Variants in SLC9A6 observed in about 807,000 individuals in gnomAD.
SLC9A6 encodes the protein sodium/hydrogen exchanger 6.
A neutral mutation model predicts 45.3 loss-of-function variants in SLC9A6; 6 were observed. The observed-to-expected ratio is 0.13, with a 90% CI of 0.07 to 0.26. The LOEUF (loss-of-function observed/expected upper bound fraction) is 0.26, where lower values mean the gene tolerates loss of function less well. Ranked by LOEUF, SLC9A6 falls within the 10% of genes least tolerant of loss-of-function variation. The probability of loss-of-function intolerance (pLI) is 1.00; values close to 1 mark genes in which losing one functional copy is unlikely to be tolerated. For synonymous variants in SLC9A6, 191 were observed against 187.7 expected, an observed-to-expected ratio of 1.02 and a Z score of -0.14; for missense variants, 278 against 503.7, an observed-to-expected ratio of 0.55 and a Z score of 4.29.
chrX:136,013,136 C>T (rs1336016791), intron 9 of SLC9A6, 82 bp downstream of exon 9: 51 of 754,807 alleles, frequency 6.8e-5, no homozygotes, highest in Middle Eastern at 2.8e-4. Flanking sequence ...GGATCAGCTC[C>T]GTTAGTATTT....
intron 16 of SLC9A6, among the ~76,000 whole-genome samples, chrX:136,037,435 C>A (rs781975036): frequency 1.8e-5 from 2 of 112,669 alleles, no homozygotes; most frequent in Non-Finnish European, 3.7e-5. Flanking sequence ...CTTTTCAGTA[C>A]ACAGCTCTTG....
intron 2 of SLC9A6, among the ~76,000 whole-genome samples, chrX:135,992,614 G>A (rs1023945244): frequency 1.8e-5 from 2 of 111,804 alleles, no homozygotes; most frequent in Non-Finnish European, 3.8e-5. Context: ...TGACTGATAT[G>A]TACTACTATT....
intron 16 of SLC9A6, among the ~76,000 whole-genome samples, chrX:136,037,556 A>ATATT (rs781891851): frequency 0.029 from 3,190 of 110,294 alleles, 49 homozygotes; most frequent in Non-Finnish European, 0.036. Context: ...AGAAAATTGG[A>ATATT]TATTTATTTA....
intron 7 of SLC9A6, among the ~76,000 whole-genome samples, chrX:136,006,981 C>T (rs2089667481): frequency 9.0e-6 from 1 of 110,712 alleles, no homozygotes; most frequent in South Asian, 3.9e-4. Flanking sequence ...ATTCTCCTGC[C>T]TTAGCCTCCC....
chrX:135,995,512 C>T (rs1326414731), intron 3 of SLC9A6, among the ~76,000 whole-genome samples: 3 of 110,185 alleles, frequency 2.7e-5, no homozygotes, highest in Non-Finnish European at 5.7e-5. Flanking sequence ...TTAGTAGAGA[C>T]GGGGTTCTAC....
chrX:135,976,603 CAAAAAAA>C (rs1180579113), intron 1 of SLC9A6, among the ~76,000 whole-genome samples: 13 of 84,823 alleles, frequency 1.5e-4, no homozygotes, highest in South Asian at 5.1e-4. Flanking sequence ...ACTCCATTTC[CAAAAAAA>C]AAAAAGAAAA....
chrX:136,016,152 G>A (rs956721385), intron 10 of SLC9A6, among the ~76,000 whole-genome samples: 10 of 111,560 alleles, frequency 9.0e-5, no homozygotes, highest in Non-Finnish European at 1.9e-4. Context: ...CAAGCTGGGA[G>A]TACGAGAGTT....
rs587784401 is a variant in SLC9A6, at chrX:135,994,872, A to G, written c.256A>G (p.Ser86Gly). 4.1e-6 allele frequency: 5 copies of G among 1,207,043 alleles called. No homozygotes were observed. The East Asian group carries it at 1.2e-4, about 29-fold the overall frequency. ...NVTLSCEVQS[S>G]PTTLLVNVSG... Reference sequence around the variant, plus strand: ...GACCCTGAGCTGTGAAGTGCAGTCAAGTCCAACTACCTTACTGGTAAATGT... The same window carrying G: ...GACCCTGAGCTGTGAAGTGCAGTCAGGTCCAACTACCTTACTGGTAAATGT... The change falls in exon 3 of 18, where the codon AGT becomes GGT. Residue 86 changes from serine (S) to glycine (G), a missense_variant. By Grantham distance (56) the Ser-to-Gly change is moderately conservative (BLOSUM62 0). Coordinates refer to ENST00000630721, the MANE Select transcript of SLC9A6 (RefSeq NM_001379110.1).
intron 2 of SLC9A6, among the ~76,000 whole-genome samples, chrX:135,992,387 C>A (rs2089446682): frequency 8.9e-6 from 1 of 112,274 alleles, no homozygotes; most frequent in African/African-American, 3.2e-5. Context: ...CCTCTTTAGT[C>A]TAGACCAGTC....
intron 16 of SLC9A6, among the ~76,000 whole-genome samples, chrX:136,033,907 G>A (rs1430605825): frequency 8.9e-6 from 1 of 111,878 alleles, no homozygotes; most frequent in Non-Finnish European, 1.9e-5. Context: ...AAATCAAAAT[G>A]CGATAATGTT....
intron 1 of SLC9A6, among the ~76,000 whole-genome samples, chrX:135,977,545 CCTGA>C (rs1446804160): frequency 8.9e-6 from 1 of 112,021 alleles, no homozygotes; most frequent in Non-Finnish European, 1.9e-5. Flanking sequence ...GGAATATGCT[CCTGA>C]CTATTATAGA....
At chrX:135,985,563 G>T (rs1556614734) in intron 1 of SLC9A6, 40 bp from the exon 2 acceptor site, 2 of 1,195,896 alleles carry the variant, frequency 1.7e-6, no homozygotes, top group South Asian at 1.8e-5. Context: ...CAGTCCCCGA[G>T]CCCGCAGGCT....
At chrX:136,019,451 C>T (rs2148182791) in intron 11 of SLC9A6, among the ~76,000 whole-genome samples, 1 of 112,049 alleles carries the variant, frequency 8.9e-6, no homozygotes, top group South Asian at 3.8e-4. Context: ...GAGTTATATA[C>T]TTTATCTGGG....
Position 136,019,317 on chromosome X carries a change from T to C in SLC9A6, c.1194+2559T>C, listed in dbSNP as rs1370916987. On this transcript the variant is annotated intron_variant, in intron 11 of 17. Coordinates refer to ENST00000630721, the MANE Select transcript of SLC9A6 (RefSeq NM_001379110.1). ...TGCTAACATCCTTAGGGACTTGCTGTTGTTCTTGTGATCCAACGTGGCTCA... is the reference window on the plus strand; with the variant it reads ...TGCTAACATCCTTAGGGACTTGCTGCTGTTCTTGTGATCCAACGTGGCTCA... 2.7e-5 allele frequency among the ~76,000 whole-genome samples: 3 copies of C among 112,655 alleles called. No homozygotes were observed. In the Admixed American group the frequency reaches 2.8e-4, roughly 11 times the overall value.
At chrX:136,037,380 C>G (rs782057987) in intron 16 of SLC9A6, among the ~76,000 whole-genome samples, 1 of 111,905 alleles carries the variant, frequency 8.9e-6, no homozygotes, top group African/African-American at 3.2e-5. Flanking sequence ...GCATATTGCT[C>G]CACTCATTTA....
upstream of SLC9A6, among the ~76,000 whole-genome samples, chrX:135,984,519 A>G (rs2089304566): frequency 9.0e-6 from 1 of 111,533 alleles, no homozygotes; most frequent in African/African-American, 3.3e-5. Flanking sequence ...AAATACAGAA[A>G]AAATAGGAAG....
chrX:136,020,650 C>T (rs1014960949), intron 11 of SLC9A6, among the ~76,000 whole-genome samples: 5 of 112,107 alleles, frequency 4.5e-5, no homozygotes, highest in African/African-American at 1.3e-4. Context: ...GAATTACAGG[C>T]GTGAGCCACC....
intron 17 of SLC9A6, among the ~76,000 whole-genome samples, chrX:136,041,367 A>G (rs941552757): frequency 9.0e-6 from 1 of 111,334 alleles, no homozygotes; most frequent in Non-Finnish European, 1.9e-5. Flanking sequence ...TAAGAAATGG[A>G]CAGGAGAGAG....
intron 11 of SLC9A6, among the ~76,000 whole-genome samples, chrX:136,020,043 CAG>C (rs1414792271): frequency 6.2e-5 from 7 of 112,209 alleles, no homozygotes; most frequent in Non-Finnish European, 1.1e-4. Context: ...AGGAAGACCA[CAG>C]AGGTAAAATG....
Sources: gnomAD v4.1 joint callset for allele counts (sites outside exome capture counted in the v4.1 genomes callset) on GRCh38, gnomAD v4.1.1 for gene constraint, MANE v1.5 for transcripts, NCBI Gene and HGNC (gene_info 2026-07-23, HGNC 2026-07-21) for gene names.